The following MAPRE2 variants were observed in gnomAD, a reference collection of about 807,000 sequenced individuals.
The protein encoded by MAPRE2 is microtubule associated protein RP/EB family member 2.
Under a neutral mutation model 43.2 loss-of-function variants are expected in MAPRE2, and 13 were observed. That is an observed-to-expected ratio of 0.30 (90% confidence interval 0.20 to 0.48). The LOEUF (loss-of-function observed/expected upper bound fraction) is 0.48. Ranked by LOEUF, MAPRE2 falls within the 20% of genes least tolerant of loss-of-function variation. MAPRE2 has a pLI of 0.99. For missense variants in MAPRE2, 161 were observed against 400.2 expected (o/e 0.40, Z 5.10); for synonymous variants, 135 against 148.8 (o/e 0.91, Z 0.68).
rs555400563 is a variant in MAPRE2 at position 34,995,950 on chromosome 18, C to T, written c.-69-9542C>T. Among the ~76,000 whole-genome samples the T allele has an allele frequency of 9.5e-4, 145 of 152,258 alleles. 1 individual carries two copies. Among genetic ancestry groups the T allele is most frequent in the Non-Finnish European group, 1.2e-3 (85 of 68,028 alleles). ...AAAGGCGGATTCTCACACCCCTCAA[C>T]GGCTAGACGTACTGAATCATAACCT... On this transcript the variant is annotated intron_variant, in intron 1 of 7. Transcript: ENST00000413393.
At chr18:35,019,053 A>AT (rs35863397) in intron 2 of MAPRE2, among the ~76,000 whole-genome samples, 101,745 of 150,946 alleles carry the variant, frequency 0.67, 35,564 homozygotes, top group East Asian at 0.98. Context: ...TTTTTTTAGA[A>AT]TTTTTTTTTA....
chr18:35,078,308 T>C (rs1463484872), intron 2 of MAPRE2, among the ~76,000 whole-genome samples: 1 of 152,188 alleles, frequency 6.6e-6, no homozygotes, highest in African/African-American at 2.4e-5. Context: ...ATTCATGTTT[T>C]GCATCTGAAA....
intron 4 of MAPRE2, among the ~76,000 whole-genome samples, chr18:35,124,742 A>T (rs1316909558): frequency 6.6e-6 from 1 of 152,164 alleles, no homozygotes; most frequent in Non-Finnish European, 1.5e-5. Context: ...GATATTTCCG[A>T]GCTGTCTCCC....
Position 35,132,157 on chromosome 18 carries a change from A to C in MAPRE2, c.876A>C (p.Arg292Ser), listed in dbSNP as rs1569016395. The stretch of plus-strand genomic sequence containing the variant: ...AGGAAAATGATGACCTCGTGCAGAG[A>C]CTAATGGACATCCTGTATGCTTCAG... ...HGQENDDLVQRLMDILYASEE... is the reference protein window; with the variant it reads ...HGQENDDLVQSLMDILYASEE... The change falls in exon 6 of 7, where the codon AGA becomes AGC. Residue 292 changes from arginine (R) to serine (S), a missense_variant. Physicochemically the swap from Arg to Ser is moderately radical, Grantham distance 110. Coordinates refer to ENST00000300249, the MANE Select transcript of MAPRE2 (RefSeq NM_014268.4). The C allele has an allele frequency of 6.2e-7, 1 of 1,614,080 alleles. No individual in the cohort carries two copies. The highest frequency in any genetic ancestry group is 8.5e-7 in the Non-Finnish European group (1 of 1,180,032).
intron 2 of MAPRE2, among the ~76,000 whole-genome samples, chr18:35,091,235 A>G (rs1908133706): frequency 6.6e-6 from 1 of 152,242 alleles, no homozygotes; most frequent in Admixed American, 6.5e-5. Context: ...ATCTCATGTG[A>G]CAGTTCACAG....
chr18:35,138,611 C>T (rs575016516), intron 6 of MAPRE2, among the ~76,000 whole-genome samples: 1 of 152,256 alleles, frequency 6.6e-6, no homozygotes, highest in African/African-American at 2.4e-5. Context: ...TACCATGTGC[C>T]AAATACTCTT....
chr18:35,135,751 C>A (rs1910361835), intron 6 of MAPRE2, among the ~76,000 whole-genome samples: 1 of 152,210 alleles, frequency 6.6e-6, no homozygotes, highest in African/African-American at 2.4e-5. Context: ...TAGATTTGCA[C>A]CCATGTGCAG....
At chr18:35,093,065 A>G (rs1908229449) in intron 2 of MAPRE2, among the ~76,000 whole-genome samples, 1 of 151,956 alleles carries the variant, frequency 6.6e-6, no homozygotes, top group African/African-American at 2.4e-5. Flanking sequence ...TACAAAAATT[A>G]CCTGGGCATG....
At chr18:35,121,074 G>A (rs1196486893) in intron 4 of MAPRE2, among the ~76,000 whole-genome samples, 2 of 152,146 alleles carry the variant, frequency 1.3e-5, no homozygotes, top group Non-Finnish European at 2.9e-5. Flanking sequence ...TTTGGCAAAA[G>A]GAATAATATG....
chr18:35,079,464 G>T (rs1164827924), intron 2 of MAPRE2, among the ~76,000 whole-genome samples: 4 of 152,150 alleles, frequency 2.6e-5, no homozygotes, highest in Admixed American at 2.6e-4. Context: ...TACGTAAAAG[G>T]ACTTACTAAT....
intron 1 of MAPRE2, among the ~76,000 whole-genome samples, chr18:35,068,363 A>G (rs1906937883): frequency 6.6e-6 from 1 of 152,230 alleles, no homozygotes; most frequent in Admixed American, 6.5e-5. Context: ...ACATCTCGTC[A>G]TATTGGAAAA....
In MAPRE2 at chr18:34,992,671, G is replaced by A. The variant is rs369357960; in HGVS notation, c.-69-12821G>A. The stretch of plus-strand genomic sequence containing the variant: ...GGAATCCATAAATTACATTTTAAAC[G>A]TGAGGAAAACATGCAGTTTTGATAG... On this transcript the variant is annotated intron_variant, in intron 1 of 7. Coordinates refer to the MAPRE2 transcript ENST00000413393. 3.3e-5 allele frequency among the ~76,000 whole-genome samples: 5 copies of A among 152,194 alleles called. No individual in the cohort carries two copies. The South Asian group carries it at 6.2e-4, about 19-fold the overall frequency.
chr18:35,097,153 A>C (rs1908463647), intron 2 of MAPRE2, among the ~76,000 whole-genome samples: 2 of 152,086 alleles, frequency 1.3e-5, no homozygotes, highest in Non-Finnish European at 2.9e-5. Context: ...TTGGCTTTAT[A>C]GTGTGAGGTT....
intron 1 of MAPRE2, among the ~76,000 whole-genome samples, chr18:34,979,099 C>A (rs2150567965): frequency 6.6e-6 from 1 of 152,284 alleles, no homozygotes; most frequent in South Asian, 2.1e-4. Flanking sequence ...AACTGGAGTG[C>A]CGATGACTAA....
intron 2 of MAPRE2, among the ~76,000 whole-genome samples, chr18:35,095,756 G>A (rs978865840): frequency 6.6e-6 from 1 of 152,014 alleles, no homozygotes. Context: ...TCCATCTGGC[G>A]GTCCTTCAAA....
chr18:35,063,947 A>G (rs1285031811), intron 1 of MAPRE2, among the ~76,000 whole-genome samples: 1 of 138,864 alleles, frequency 7.2e-6, no homozygotes, highest in Non-Finnish European at 1.5e-5. Flanking sequence ...GCAGTGAGCT[A>G]TGATGGCACC....
rs76736168 is a variant in MAPRE2, at chr18:35,062,488, T to C, written c.123-7707T>C. Among the ~76,000 whole-genome samples, 851 of 152,346 alleles carry C rather than the reference T, an allele frequency of 5.6e-3. 3 individuals are homozygous for C. Among genetic ancestry groups the C allele is most frequent in the African/African-American group, 0.019 (781 of 41,572 alleles). The stretch of plus-strand genomic sequence containing the variant: ...TTCTTTACAAGCGCATTTGAAATAA[T>C]GCACCTCACTTTACCTGCTATGCTG... On this transcript the variant is annotated intron_variant, in intron 1 of 6. Transcript: ENST00000300249.
chr18:35,003,877 C>T (rs181503539), intron 1 of MAPRE2, among the ~76,000 whole-genome samples: 3 of 152,262 alleles, frequency 2.0e-5, no homozygotes, highest in Admixed American at 6.5e-5. Flanking sequence ...AAAGATATAA[C>T]GTATTCGTAA....
intron 3 of MAPRE2, 32 bp downstream of exon 3, chr18:35,097,623 G>A: frequency 6.3e-7 from 1 of 1,583,174 alleles, no homozygotes; most frequent in Non-Finnish European, 8.6e-7. Flanking sequence ...AAAATGTGTT[G>A]TTTTTTCTTA....
Sources: allele counts gnomAD v4.1 joint callset (sites outside exome capture counted in the v4.1 genomes callset), GRCh38; gene constraint gnomAD v4.1.1; transcripts MANE v1.5; gene names NCBI Gene and HGNC (gene_info 2026-07-23, HGNC 2026-07-21).